PTPRN2: variants seen among roughly 807,000 people sequenced by gnomAD.
PTPRN2 encodes the protein receptor-type tyrosine-protein phosphatase N2.
A neutral mutation model predicts 118.8 loss-of-function variants in PTPRN2; 74 were observed. That is an observed-to-expected ratio of 0.62 (90% CI 0.52 to 0.76). The LOEUF is 0.76. PTPRN2 is among the 30% of genes least tolerant of loss of function. The probability of loss-of-function intolerance (pLI) is 0.00; values close to 1 mark genes in which losing one functional copy is unlikely to be tolerated. For synonymous variants in PTPRN2, 641 were observed against 608.0 expected (o/e 1.05, Z -0.80); for missense variants, 1,481 against 1,394.4 (o/e 1.06, Z -0.99).
chr7:158,294,649 C>T (rs753016226), intron 3 of PTPRN2, among the ~76,000 whole-genome samples: 1 of 148,250 alleles, frequency 6.7e-6, no homozygotes, highest in African/African-American at 2.4e-5. Context: ...CAGGAGCAAG[C>T]GGGGAGGGAG....
Position 158,084,111 on chromosome 7 carries a change from G to A in PTPRN2, c.1644-2734C>T, listed in dbSNP as rs535698537. ...GACTTGCTTTGGCCTAGGAGACCCT[G>A]GTTTTCAATAAACTCTGGTGGCCAG... On this transcript the variant is annotated intron_variant, in intron 10 of 22. Coordinates refer to ENST00000389418, the MANE Select transcript of PTPRN2 (RefSeq NM_002847.5). Among the ~76,000 whole-genome samples, 301 of 152,272 alleles carry A rather than the reference G, an allele frequency of 2.0e-3. 1 individual carries two copies. The highest frequency in any genetic ancestry group is 3.1e-3 in the Admixed American group (48 of 15,306).
At chr7:158,017,155 G>C (rs575827954) in intron 11 of PTPRN2, among the ~76,000 whole-genome samples, 37 of 152,346 alleles carry the variant, frequency 2.4e-4, no homozygotes, top group African/African-American at 8.4e-4. Flanking sequence ...GCTTTAAAAC[G>C]ATAGCAAGGT....
At chr7:158,098,529 G>A (rs1373610861) in intron 10 of PTPRN2, among the ~76,000 whole-genome samples, 1 of 152,186 alleles carries the variant, frequency 6.6e-6, no homozygotes, top group Non-Finnish European at 1.5e-5. Flanking sequence ...TTCCGACAGC[G>A]AAGGCGGTGG....
intron 20 of PTPRN2, among the ~76,000 whole-genome samples, chr7:157,570,978 C>T (rs1799725798): frequency 6.6e-6 from 1 of 152,164 alleles, no homozygotes; most frequent in Non-Finnish European, 1.5e-5. Flanking sequence ...CGCGCGGTGG[C>T]TCACGCCTGT....
rs947115880 is a variant in PTPRN2, at chr7:158,563,742, GCA to G, written c.112+23814_112+23815del. The stretch of plus-strand genomic sequence containing the variant: ...GAAGAGAGGGGCCTTCCATCTAGGG[GCA>G]CAGTCTCCCTCCCTTCCCCTTATCC... On this transcript the variant is annotated intron_variant, in intron 1 of 22. Transcript: ENST00000389418. The surrounding 1 kb of genome is among the most constrained non-coding windows in gnomAD (Gnocchi z 5.1). Among the ~76,000 whole-genome samples, 7 of 152,262 alleles carry G rather than the reference GCA, an allele frequency of 4.6e-5. No homozygotes were observed. Among genetic ancestry groups the G allele is most frequent in the Non-Finnish European group, 5.9e-5 (4 of 68,050 alleles).
At position 157,774,146 on chromosome 7, in the gene PTPRN2, C is replaced by T. The variant is rs145097114; in HGVS notation, c.1789-91209G>A. Among the ~76,000 whole-genome samples the T allele has an allele frequency of 3.4e-3, 523 of 152,248 alleles. 2 individuals are homozygous for T. The highest frequency in any genetic ancestry group is 9.1e-3 in the African/African-American group (378 of 41,536). On this transcript the variant is annotated intron_variant, in intron 12 of 22. Transcript: ENST00000389418. ...GGGGCTGTGAGCTCCCTAGCTGCCA[C>T]GGGGAAGAGAGGAACAGGATCCACA...
chr7:157,682,758 G>T lies in PTPRN2; in HGVS notation c.1968C>A (p.Gly656=). The change falls in exon 13 of 23, where the codon GGC becomes GGA. Residue 656 remains glycine, a synonymous_variant. Coordinates refer to ENST00000389418, the MANE Select transcript of PTPRN2 (RefSeq NM_002847.5). ...CGGCAGTGGCATCTGCACCTGGGTC[G>T]CCCCCTAGTCCCGAGAGCTTCTCCT... The part of the protein sequence containing the change: ...RLKEKLSGLG[G]DPGADATAAY... The T allele has an allele frequency of 6.2e-7, 1 of 1,613,846 alleles. No individual in the cohort carries two copies. Among genetic ancestry groups the T allele is most frequent in the South Asian group, 1.1e-5 (1 of 91,080 alleles).
At chr7:158,294,649 C>A (rs753016226) in intron 3 of PTPRN2, among the ~76,000 whole-genome samples, 2 of 148,250 alleles carry the variant, frequency 1.3e-5, no homozygotes, top group Non-Finnish European at 3.0e-5. Context: ...CAGGAGCAAG[C>A]GGGGAGGGAG....
intron 2 of PTPRN2, among the ~76,000 whole-genome samples, chr7:158,334,438 A>C (rs1805166750): frequency 1.7e-5 from 1 of 59,478 alleles, no homozygotes; most frequent in Non-Finnish European, 3.6e-5. Context: ...TCACACCCAC[A>C]CTCTCACCAT....
At chr7:158,317,591 G>T (rs1054232926) in intron 2 of PTPRN2, among the ~76,000 whole-genome samples, 2 of 152,182 alleles carry the variant, frequency 1.3e-5, no homozygotes, top group Admixed American at 1.3e-4. Context: ...TTTATTCGGC[G>T]AATTGTTCAC....
chr7:157,693,397 A>AG (rs1205210755), intron 12 of PTPRN2, among the ~76,000 whole-genome samples: 1 of 151,906 alleles, frequency 6.6e-6, no homozygotes, highest in Non-Finnish European at 1.5e-5. Flanking sequence ...GGAGCGCCCT[A>AG]GGGTCTGGCT....
intron 3 of PTPRN2, among the ~76,000 whole-genome samples, chr7:158,245,017 C>T (rs1367704800): frequency 1.3e-5 from 2 of 152,172 alleles, no homozygotes; most frequent in Non-Finnish European, 2.9e-5. Context: ...GGACAAGTGA[C>T]GTCGTCTTGA....
intron 6 of PTPRN2, among the ~76,000 whole-genome samples, chr7:158,147,198 C>G (rs1378665998): frequency 8.5e-5 from 2 of 23,428 alleles, no homozygotes; most frequent in Non-Finnish European, 1.2e-4. Flanking sequence ...CCCCATCTCA[C>G]GCCACGTGTC....
intron 9 of PTPRN2, among the ~76,000 whole-genome samples, chr7:158,132,580 G>C (rs7783830): frequency 0.67 from 100,343 of 149,816 alleles, 34,515 homozygotes; most frequent in African/African-American, 0.82. Context: ...CACTCATATA[G>C]ACACATGCAT....
intron 2 of PTPRN2, among the ~76,000 whole-genome samples, chr7:158,463,633 C>CTGT (rs57114918): frequency 6.6e-6 from 1 of 151,210 alleles, no homozygotes; most frequent in Non-Finnish European, 1.5e-5. Flanking sequence ...ATCATCAACA[C>CTGT]CATCATCATC....
intron 4 of PTPRN2, among the ~76,000 whole-genome samples, chr7:158,192,993 A>G (rs1478088825): frequency 6.6e-6 from 1 of 152,212 alleles, no homozygotes; most frequent in African/African-American, 2.4e-5. Context: ...GCATTGTTTT[A>G]GGCCTTAGGT....
chr7:157,923,601 T>C (rs1798811374), intron 11 of PTPRN2, among the ~76,000 whole-genome samples: 1 of 152,126 alleles, frequency 6.6e-6, no homozygotes, highest in Non-Finnish European at 1.5e-5. Context: ...AACGTCCAAA[T>C]GTCAGACCAT....
chr7:157,571,576 G>C (rs990044758), intron 19 of PTPRN2, 83 bp from the exon 20 acceptor site: 19 of 1,025,034 alleles, frequency 1.9e-5, no homozygotes, highest in Admixed American at 2.4e-5. Flanking sequence ...CAAAGCGCAA[G>C]GTCTGTGTGT....
Position 157,794,228 on chromosome 7 carries a change from C to G in PTPRN2, c.1788+104445G>C, listed in dbSNP as rs556900695. The stretch of plus-strand genomic sequence containing the variant: ...TCCGACCCGGGCTCACACCTCCCCT[C>G]GTTCTCTGCTCCGACCCGGGCTCAC... On this transcript the variant is annotated intron_variant, in intron 12 of 22. Transcript: ENST00000389418. The surrounding 1 kb of genome is among the most constrained non-coding windows in gnomAD (Gnocchi z 5.2). Among the ~76,000 whole-genome samples the G allele has an allele frequency of 6.7e-6, 1 of 149,118 alleles. No homozygotes were observed. Among genetic ancestry groups the G allele is most frequent in the African/African-American group, 2.5e-5 (1 of 40,180 alleles).
Sources: gnomAD v4.1 joint callset for allele counts (sites outside exome capture counted in the v4.1 genomes callset) on GRCh38, gnomAD v4.1.1 for gene constraint, Gnocchi (gnomAD v3.1) non-coding constraint, MANE v1.5 for transcripts, NCBI Gene and HGNC (gene_info 2026-07-23, HGNC 2026-07-21) for gene names.